Variants in C8orf34 observed in about 807,000 individuals in gnomAD.
C8orf34 encodes uncharacterized protein C8orf34.
In C8orf34, 65 loss-of-function variants were observed where a neutral mutation model predicts 68.3. The ratio of observed to expected loss-of-function variants is 0.95; its 90% CI spans 0.78 to 1.17. The LOEUF (loss-of-function observed/expected upper bound fraction) is 1.17. C8orf34 is among the 50% of genes most tolerant of loss of function. The probability of loss-of-function intolerance (pLI) is 0.00; values close to 1 mark genes in which losing one functional copy is unlikely to be tolerated. For synonymous variants in C8orf34, 244 were observed against 241.2 expected (o/e 1.01, Z -0.11); for missense variants, 664 against 655.4 (o/e 1.01, Z -0.14).
At chr8:68,643,448 G>T (rs1026106557) in intron 8 of C8orf34, among the ~76,000 whole-genome samples, 2 of 151,990 alleles carry the variant, frequency 1.3e-5, no homozygotes, top group Non-Finnish European at 2.9e-5. Context: ...AGTCTATTTG[G>T]GATGCTATAA....
chr8:68,813,650 G>T (rs779490784), intron 12 of C8orf34, among the ~76,000 whole-genome samples: 1 of 151,924 alleles, frequency 6.6e-6, no homozygotes, highest in African/African-American at 2.4e-5. Flanking sequence ...TCTCTCCATT[G>T]CCCTGTGCCA....
chr8:68,514,323 C>G, intron 5 of C8orf34, among the ~76,000 whole-genome samples: 1 of 152,224 alleles, frequency 6.6e-6, no homozygotes, highest in East Asian at 1.9e-4. Context: ...TGAGGTTTCT[C>G]TAAGGATACC....
chr8:68,571,799 G>C (rs1816766778), intron 7 of C8orf34, among the ~76,000 whole-genome samples: 1 of 152,144 alleles, frequency 6.6e-6, no homozygotes, highest in South Asian at 2.1e-4. Context: ...CGGTGACTGA[G>C]CCTTCTATTT....
intron 5 of C8orf34, among the ~76,000 whole-genome samples, chr8:68,499,693 G>A (rs1044277320): frequency 6.6e-6 from 1 of 152,152 alleles, no homozygotes; most frequent in Non-Finnish European, 1.5e-5. Context: ...TTAACAAAAG[G>A]AGCAACTTTT....
intron 7 of C8orf34, among the ~76,000 whole-genome samples, chr8:68,631,845 T>A (rs1318183321): frequency 1.3e-5 from 2 of 152,140 alleles, no homozygotes; most frequent in East Asian, 1.9e-4. Context: ...TCTGCCATGA[T>A]TGTAAGTTTC....
At chr8:68,439,823 C>T (rs146472422) in intron 2 of C8orf34, among the ~76,000 whole-genome samples, 177 bp downstream of exon 2, 103 of 152,156 alleles carry the variant, frequency 6.8e-4, no homozygotes, top group African/African-American at 2.3e-3. Flanking sequence ...TTGAATATAT[C>T]GTAATGTATT....
chr8:68,627,054 G>A (rs1818557300), intron 7 of C8orf34, among the ~76,000 whole-genome samples: 1 of 145,520 alleles, frequency 6.9e-6, no homozygotes, highest in Admixed American at 8.2e-5. Flanking sequence ...AGATTTTGCA[G>A]TGTTTTTCAT....
intron 1 of C8orf34, among the ~76,000 whole-genome samples, chr8:68,332,807 C>G (rs549054410): frequency 6.6e-6 from 1 of 152,212 alleles, no homozygotes; most frequent in South Asian, 2.1e-4. Flanking sequence ...ATTCTTTTTT[C>G]TGCCAAAAAT....
At chr8:68,441,955 G>A (rs1810927030) in intron 2 of C8orf34, among the ~76,000 whole-genome samples, 2 of 152,152 alleles carry the variant, frequency 1.3e-5, no homozygotes, top group South Asian at 4.1e-4. Flanking sequence ...GATAATTACA[G>A]CAGGCTATTG....
At chr8:68,426,766 G>C (rs1810244589) in intron 1 of C8orf34, among the ~76,000 whole-genome samples, 1 of 151,880 alleles carries the variant, frequency 6.6e-6, no homozygotes. Context: ...CTTCTCGGGA[G>C]GTTGAGGCAG....
intron 4 of C8orf34, among the ~76,000 whole-genome samples, chr8:68,470,890 C>T (rs1251230093): frequency 6.6e-6 from 1 of 152,078 alleles, no homozygotes; most frequent in East Asian, 1.9e-4. Flanking sequence ...TAGAGTTTAG[C>T]TTATGAGTTT....
At chr8:68,560,459 G>C (rs1489693115) in intron 7 of C8orf34, among the ~76,000 whole-genome samples, 3 of 152,154 alleles carry the variant, frequency 2.0e-5, no homozygotes, top group Non-Finnish European at 4.4e-5. Context: ...TTACAGTCAT[G>C]CTTCACTTAA....
At chr8:68,487,139 G>A (rs1224302397) in intron 4 of C8orf34, among the ~76,000 whole-genome samples, 1 of 152,202 alleles carries the variant, frequency 6.6e-6, no homozygotes, top group East Asian at 1.9e-4. Flanking sequence ...TGGCAGTAAA[G>A]ATGTGCCATA....
rs187439690 is a variant in C8orf34, at chr8:68,800,884, G to T, written c.1549+13348G>T. 1.2e-3 allele frequency among the ~76,000 whole-genome samples: 176 copies of T among 152,202 alleles called. 1 individual carries two copies. The highest frequency in any genetic ancestry group is 5.0e-3 in the South Asian group (24 of 4,810). ...CGGCTTTTCTTTTGCTTCAGTGTTG[G>T]TGTTCTGAATCCAAAATAAAGAATT... On this transcript the variant is annotated intron_variant, in intron 12 of 13. Transcript: ENST00000518698.
At chr8:68,716,260 T>G (rs1423717431) in intron 9 of C8orf34, among the ~76,000 whole-genome samples, 1 of 151,956 alleles carries the variant, frequency 6.6e-6, no homozygotes, top group Non-Finnish European at 1.5e-5. Context: ...AAATCACCAT[T>G]AAATAACTTA....
intron 10 of C8orf34, among the ~76,000 whole-genome samples, chr8:68,749,736 T>C (rs1243970834): frequency 2.6e-5 from 4 of 152,218 alleles, no homozygotes; most frequent in Non-Finnish European, 2.9e-5. Flanking sequence ...ACTTAAATAA[T>C]GTTTTTGTGG....
chr8:68,428,044 A>G (rs1176465616), intron 1 of C8orf34, among the ~76,000 whole-genome samples: 1 of 150,908 alleles, frequency 6.6e-6, no homozygotes, highest in Non-Finnish European at 1.5e-5. Context: ...AGAAAAAGTC[A>G]GATGTTCTTT....
chr8:68,437,049 C>T (rs1021409104), intron 1 of C8orf34, among the ~76,000 whole-genome samples: 4 of 152,204 alleles, frequency 2.6e-5, no homozygotes, highest in Non-Finnish European at 5.9e-5. Flanking sequence ...CCAACCAAGA[C>T]ACCCAACATG....
intron 3 of C8orf34, among the ~76,000 whole-genome samples, chr8:68,467,450 T>A (rs895781783): frequency 2.1e-5 from 3 of 144,142 alleles, no homozygotes; most frequent in Admixed American, 7.1e-5. Context: ...TCCTTTATTT[T>A]AAAAATTTTT....
Sources: allele counts gnomAD v4.1 joint callset (sites outside exome capture counted in the v4.1 genomes callset), GRCh38; gene constraint gnomAD v4.1.1; transcripts MANE v1.5; gene names NCBI Gene and HGNC (gene_info 2026-07-23, HGNC 2026-07-21).